Variants in RWDD2B observed in about 807,000 individuals in gnomAD.
RWDD2B encodes RWD domain-containing protein 2B.
RWDD2B carries 36 observed loss-of-function variants against 33.6 expected under a neutral mutation model. The ratio of observed to expected loss-of-function variants is 1.07; its 90% confidence interval spans 0.82 to 1.42. RWDD2B has a LOEUF of 1.42. Among genes scored for constraint, RWDD2B ranks in the 40% most tolerant of loss-of-function variants. The pLI, the probability that RWDD2B is intolerant of heterozygous loss-of-function variation, is 0.00. For missense variants in RWDD2B, 364 were observed against 377.5 expected (o/e 0.96, Z 0.30); for synonymous variants, 126 against 133.1 (o/e 0.95, Z 0.37).
intron 1 of RWDD2B, among the ~76,000 whole-genome samples, chr21:29,011,357 A>AC: frequency 1.5e-5 from 2 of 133,984 alleles, no homozygotes; most frequent in South Asian, 5.1e-4. Context: ...CTGCCCGGCC[A>AC]CCCGGTCTGA....
At position 29,006,220 on chromosome 21, in the gene RWDD2B, T is replaced by G; in HGVS notation, c.*197A>C. On this transcript the variant is annotated 3_prime_UTR_variant, in exon 5 of 5. Coordinates refer to ENST00000493196, the MANE Select transcript of RWDD2B (RefSeq NM_016940.3). Reference sequence around the variant, plus strand: ...AAATATCTAACAACAATTTTAAGGTTGTAATTTGAAACTCAGTTCTGCTTT... The same window carrying G: ...AAATATCTAACAACAATTTTAAGGTGGTAATTTGAAACTCAGTTCTGCTTT... 1 of 453,364 alleles carries G rather than the reference T, an allele frequency of 2.2e-6. No homozygotes were observed. Among genetic ancestry groups the G allele is most frequent in the South Asian group, 4.4e-5 (1 of 22,808 alleles). 28.1% of individuals were successfully genotyped at this position (453,364 alleles called of 1,614,324 possible).
intron 3 of RWDD2B, 44 bp from the exon 4 acceptor site, chr21:29,008,167 A>G (rs774916772): frequency 6.2e-7 from 1 of 1,610,976 alleles, no homozygotes; most frequent in Admixed American, 1.7e-5. Flanking sequence ...GGAACAGAAA[A>G]CAAATTCGAG....
At chr21:29,010,849 T>C (rs1414393098) in intron 1 of RWDD2B, among the ~76,000 whole-genome samples, 3 of 152,040 alleles carry the variant, frequency 2.0e-5, no homozygotes, top group Non-Finnish European at 2.9e-5. Context: ...CGTATTTTTT[T>C]GGTGGAGACG....
In RWDD2B at chr21:29,015,325, G is replaced by T. The variant is rs1192427637; in HGVS notation, c.67+3886C>A. 6.0e-5 allele frequency among the ~76,000 whole-genome samples: 8 copies of T among 133,896 alleles called. No individual in the cohort carries two copies. In the Admixed American group the frequency reaches 6.9e-4, roughly 12 times the overall value. The allele number at this position is 133,896 out of a possible 152,430, so 87.8% of individuals were successfully genotyped here. A position where few individuals can be genotyped will look rare whatever the true frequency, so the allele number is the denominator to read the frequency against. On this transcript the variant is annotated intron_variant, in intron 1 of 4. Coordinates refer to ENST00000493196, the MANE Select transcript of RWDD2B (RefSeq NM_016940.3). ...GGCTTATTGCAACCTCCACCTCCCA[G>T]GTTCAAGCAATTCTCCTGCCTCAGC... is the stretch of plus-strand genomic sequence containing the variant.
At chr21:29,015,224 G>GTTTTTTTTTTT (rs71189334) in intron 1 of RWDD2B, among the ~76,000 whole-genome samples, 3 of 64,838 alleles carry the variant, frequency 4.6e-5, no homozygotes, top group African/African-American at 6.6e-5. Context: ...ATTATGATGC[G>GTTTTTTTTTTT]TTTTTTTTTT....
In RWDD2B at chr21:29,012,746, G is replaced by A. The variant is rs1421492286; in HGVS notation, c.68-4125C>T. ...GTGACCATGCCCAATCCCCCTCTGC[G>A]AGAAACACCCAAGAATGATCAATTA... On this transcript the variant is annotated intron_variant, in intron 1 of 4. Transcript: ENST00000493196. Among the ~76,000 whole-genome samples, 4 of 150,254 alleles carry A rather than the reference G, an allele frequency of 2.7e-5. 1 individual carries two copies. In the South Asian group the frequency reaches 6.4e-4, roughly 24 times the overall value.
chr21:29,005,432 T>G lies in RWDD2B; in HGVS notation c.*985A>C, dbSNP rs781097566. ...TCTATTTGACAAACTAGCTTTCAAC[T>G]GCTAGTAAAAAGCCTAGATATTGGC... On this transcript the variant is annotated 3_prime_UTR_variant, in exon 5 of 5. Coordinates refer to ENST00000493196, the MANE Select transcript of RWDD2B (RefSeq NM_016940.3). 6.6e-6 allele frequency: 1 copy of G among 152,198 alleles called. No individual in the cohort carries two copies. Among genetic ancestry groups the G allele is most frequent in the Non-Finnish European group, 1.5e-5 (1 of 68,032 alleles). The allele number at this position is 152,198 out of a possible 1,614,324, so 9.4% of individuals were successfully genotyped here.
intron 1 of RWDD2B, among the ~76,000 whole-genome samples, chr21:29,010,316 GT>G (rs1358702074): frequency 6.6e-6 from 1 of 151,636 alleles, no homozygotes; most frequent in East Asian, 2.0e-4. Context: ...TTAATACATA[GT>G]TCCTTTTGGC....
At chr21:29,011,444 C>T (rs2146337484) in intron 1 of RWDD2B, among the ~76,000 whole-genome samples, 1 of 151,070 alleles carries the variant, frequency 6.6e-6, no homozygotes, top group East Asian at 2.0e-4. Context: ...GCCGCTGGGT[C>T]TGAGAAGTGA....
intron 1 of RWDD2B, among the ~76,000 whole-genome samples, chr21:29,009,298 T>G (rs903627279): frequency 2.6e-5 from 4 of 152,120 alleles, no homozygotes; most frequent in Non-Finnish European, 5.9e-5. Flanking sequence ...TTGTCCAGAC[T>G]GGTCTTGACC....
rs756415417 is a variant in RWDD2B, at chr21:29,006,456, C to A, written c.921G>T (p.Gly307=). 4 of 1,613,546 alleles carry A rather than the reference C, an allele frequency of 2.5e-6. No homozygotes were observed. Among genetic ancestry groups the A allele is most frequent in the Non-Finnish European group, 3.4e-6 (4 of 1,179,780 alleles). ...CACCAAAGAACATCTGGAAAACATCCCCACATCCTTTGGTGTTTAAGAACT... is the reference window on the plus strand; with the variant it reads ...CACCAAAGAACATCTGGAAAACATCACCACATCCTTTGGTGTTTAAGAACT... ...LYQFLNTKGC[G]DVFQMFFGVE... is the part of the protein sequence containing the mutation. The change falls in exon 5 of 5, where the codon GGG becomes GGT. Residue 307 remains glycine, a synonymous_variant. Coordinates refer to ENST00000493196, the MANE Select transcript of RWDD2B (RefSeq NM_016940.3).
intron 1 of RWDD2B, 59 bp from the exon 2 acceptor site, chr21:29,008,680 C>T (rs2084842310): frequency 4.6e-6 from 5 of 1,084,020 alleles, no homozygotes; most frequent in Non-Finnish European, 5.4e-6. Context: ...GAAATGAATA[C>T]ATCAACATGT....
intron 2 of RWDD2B, 33 bp downstream of exon 2, chr21:29,008,362 G>A (rs374038780): frequency 5.7e-5 from 92 of 1,611,486 alleles, no homozygotes; most frequent in Non-Finnish European, 7.4e-5. Context: ...GTCTCAACAT[G>A]TTTCAATCCC....
chr21:29,011,543 G>GC (rs942886890), intron 1 of RWDD2B, among the ~76,000 whole-genome samples: 13 of 150,954 alleles, frequency 8.6e-5, no homozygotes, highest in African/African-American at 3.2e-4. Context: ...AGGTGGGGGG[G>GC]GGTCAGCCCC....
chr21:29,010,230 T>C (rs144273570), intron 1 of RWDD2B, among the ~76,000 whole-genome samples: 28 of 152,228 alleles, frequency 1.8e-4, no homozygotes, highest in African/African-American at 5.5e-4. Flanking sequence ...CAAGTTACTT[T>C]CCAGAAAGTT....
Position 29,005,464 on chromosome 21 carries a change from C to G in RWDD2B, c.*953G>C, listed in dbSNP as rs192009927. On this transcript the variant is annotated 3_prime_UTR_variant, in exon 5 of 5. Coordinates refer to ENST00000493196, the MANE Select transcript of RWDD2B (RefSeq NM_016940.3). ...AAAAAGCCTAGATATTGGCCAGGCA[C>G]GGTGGCTTATGCCTGTAATCCAAGC... is the stretch of plus-strand genomic sequence containing the variant. 6.6e-6 allele frequency: 1 copy of G among 152,168 alleles called. No homozygotes were observed. The highest frequency in any genetic ancestry group is 1.5e-5 in the Non-Finnish European group (1 of 68,046). The allele number at this position is 152,168 out of a possible 1,614,324, so 9.4% of individuals were successfully genotyped here.
At chr21:29,016,933 C>T (rs148326197) in intron 1 of RWDD2B, among the ~76,000 whole-genome samples, 44 of 151,952 alleles carry the variant, frequency 2.9e-4, no homozygotes, top group Non-Finnish European at 5.0e-4. Flanking sequence ...ATTTTATATG[C>T]GTGCTTGCTA....
chr21:29,006,431 CA>C lies in RWDD2B; in HGVS notation c.945del (p.Val316Ter). 1 of 1,608,438 alleles carries C rather than the reference CA, an allele frequency of 6.2e-7. No individual in the cohort carries two copies. Among genetic ancestry groups the C allele is most frequent in the Non-Finnish European group, 8.5e-7 (1 of 1,176,376 alleles). ...GCGDVFQMFF[G>X]VEGQ ...TACTCTTGATGTCATTGTCCTTCTA[CA>C]CCAAAGAACATCTGGAAAACATCCC... On this transcript the variant is annotated frameshift_variant, in exon 5 of 5. Transcript: ENST00000493196. LOFTEE classifies it high-confidence loss of function.
chr21:29,010,731 G>A (rs2084853490), intron 1 of RWDD2B, among the ~76,000 whole-genome samples: 1 of 151,604 alleles, frequency 6.6e-6, no homozygotes, highest in Non-Finnish European at 1.5e-5. Flanking sequence ...GAAGCTGGAC[G>A]GTACTGCTGC....
Sources: allele counts gnomAD v4.1 joint callset (sites outside exome capture counted in the v4.1 genomes callset), GRCh38; gene constraint gnomAD v4.1.1; transcripts MANE v1.5; gene names NCBI Gene and HGNC (gene_info 2026-07-23, HGNC 2026-07-21).